Variants in THSD7A observed in about 807,000 individuals in gnomAD.
THSD7A encodes thrombospondin type 1 domain containing 7A.
A neutral mutation model predicts 231.3 loss-of-function variants in THSD7A; 96 were observed. The ratio of observed to expected loss-of-function variants is 0.41; its 90% CI spans 0.35 to 0.49. THSD7A has a LOEUF of 0.49. Ranked by LOEUF, THSD7A falls within the 20% of genes least tolerant of loss-of-function variation. The pLI, the probability that THSD7A is intolerant of heterozygous loss-of-function variation, is 0.05. For synonymous variants in THSD7A, 940 were observed against 743.3 expected (o/e 1.26, Z -4.30); for missense variants, 2,290 against 2,070.2 (o/e 1.11, Z -2.06).
intron 1 of THSD7A, among the ~76,000 whole-genome samples, chr7:11,719,065 T>C (rs946717866): frequency 6.6e-6 from 1 of 151,708 alleles, no homozygotes; most frequent in Non-Finnish European, 1.5e-5. Flanking sequence ...TGTGTGTGTG[T>C]ATGCGCTCAT....
At chr7:11,408,531 A>T (rs1411593752) in intron 19 of THSD7A, among the ~76,000 whole-genome samples, 4 of 151,922 alleles carry the variant, frequency 2.6e-5, no homozygotes, top group Non-Finnish European at 5.9e-5. Context: ...AAGAAAGAAA[A>T]AGAAATAGGA....
Position 11,396,604 on chromosome 7 carries a change from C to T in THSD7A, c.4411+5191G>A, listed in dbSNP as rs1327770243. Among the ~76,000 whole-genome samples the T allele has an allele frequency of 2.6e-5, 4 of 152,106 alleles. 1 individual carries two copies. The highest frequency in any genetic ancestry group is 4.4e-5 in the Non-Finnish European group (3 of 68,018). ...GGAGGAAGCTGAATCCCTGAAGAGA[C>T]CAATAACAAGTTCTAAAATTGAGGC... is the stretch of plus-strand genomic sequence containing the variant. On this transcript the variant is annotated intron_variant, in intron 23 of 27. Coordinates refer to ENST00000423059, the MANE Select transcript of THSD7A (RefSeq NM_015204.3).
Position 11,435,377 on chromosome 7 carries a change from T to A in THSD7A, c.3065-6252A>T, listed in dbSNP as rs772968356. Among the ~76,000 whole-genome samples, 40 of 152,242 alleles carry A rather than the reference T, an allele frequency of 2.6e-4. 1 individual carries two copies. Among genetic ancestry groups the A allele is most frequent in the Non-Finnish European group, 5.1e-4 (35 of 67,990 alleles). On this transcript the variant is annotated intron_variant, in intron 13 of 27. Transcript: ENST00000423059. ...TACTTATGATTTTATGCTGTAAGGA[T>A]ATCTCAGGAAGGGGCTGGTCACACC...
chr7:11,704,540 C>A (rs574448736), intron 1 of THSD7A, among the ~76,000 whole-genome samples: 2 of 150,794 alleles, frequency 1.3e-5, no homozygotes, highest in South Asian at 4.2e-4. Flanking sequence ...TCTTTGGAGT[C>A]TGTGTGAATA....
At chr7:11,766,472 C>A (rs1050078106) in intron 1 of THSD7A, among the ~76,000 whole-genome samples, 1 of 146,156 alleles carries the variant, frequency 6.8e-6, no homozygotes, top group Non-Finnish European at 1.5e-5. Context: ...AACCAATATT[C>A]TCATCTATCA....
chr7:11,452,752 T>C (rs1785185608), intron 11 of THSD7A, among the ~76,000 whole-genome samples: 1 of 151,988 alleles, frequency 6.6e-6, no homozygotes, highest in Non-Finnish European at 1.5e-5. Flanking sequence ...TAATAAGCAT[T>C]TTATGACAGA....
At chr7:11,490,867 T>C (rs1786862252) in intron 6 of THSD7A, among the ~76,000 whole-genome samples, 1 of 152,116 alleles carries the variant, frequency 6.6e-6, no homozygotes, top group Non-Finnish European at 1.5e-5. Context: ...CTAATAATAG[T>C]ACTTATGGTA....
At chr7:11,551,817 A>G (rs1789639571) in intron 4 of THSD7A, among the ~76,000 whole-genome samples, 1 of 152,110 alleles carries the variant, frequency 6.6e-6, no homozygotes, top group African/African-American at 2.4e-5. Context: ...AACAACTACC[A>G]TTTGACCCAG....
At chr7:11,780,109 A>G (rs547333748) in intron 1 of THSD7A, among the ~76,000 whole-genome samples, 97 of 152,326 alleles carry the variant, frequency 6.4e-4, no homozygotes, top group African/African-American at 2.2e-3. Flanking sequence ...TTACAGATGT[A>G]TATCTTTTCA....
intron 1 of THSD7A, among the ~76,000 whole-genome samples, chr7:11,643,501 C>T (rs774521949): frequency 2.0e-4 from 30 of 151,810 alleles, no homozygotes; most frequent in Admixed American, 7.2e-4. Context: ...TTATTTAAAA[C>T]GAAATTTTGG....
At chr7:11,480,104 T>C (rs1212494944) in intron 7 of THSD7A, among the ~76,000 whole-genome samples, 4 of 152,244 alleles carry the variant, frequency 2.6e-5, no homozygotes, top group African/African-American at 7.2e-5. Context: ...TATGATTTAC[T>C]ATATAAACAT....
At position 11,788,216 on chromosome 7, in the gene THSD7A, T is replaced by A. The variant is rs140568987; in HGVS notation, c.190+43541A>T. ...CTTGCCTGTATCACAGCAGTAATGATGCAGTCATTTTTAGTATCTTCCTTC... is the reference window on the plus strand; with the variant it reads ...CTTGCCTGTATCACAGCAGTAATGAAGCAGTCATTTTTAGTATCTTCCTTC... On this transcript the variant is annotated intron_variant, in intron 1 of 27. Transcript: ENST00000423059. 4.9e-3 allele frequency among the ~76,000 whole-genome samples: 753 copies of A among 152,242 alleles called. 5 individuals carry two copies. The highest frequency in any genetic ancestry group is 7.1e-3 in the Non-Finnish European group (480 of 67,996).
chr7:11,444,009 C>T lies in THSD7A; in HGVS notation c.3064+2052G>A, dbSNP rs186151898. ...GCAAAGGATATGAACAGGCAGTTCT[C>T]AAAAGACGACATTTATGTGGCTAAC... On this transcript the variant is annotated intron_variant, in intron 13 of 27. Transcript: ENST00000423059. This position sits in a 1 kb window ranked among gnomAD's most constrained non-coding sequence, Gnocchi z 4.2. Among the ~76,000 whole-genome samples, 18 of 152,110 alleles carry T rather than the reference C, an allele frequency of 1.2e-4. No homozygotes were observed. The East Asian group carries it at 3.3e-3, about 28-fold the overall frequency.
intron 1 of THSD7A, among the ~76,000 whole-genome samples, chr7:11,783,002 T>A (rs1020725785): frequency 6.6e-6 from 1 of 152,160 alleles, no homozygotes; most frequent in Non-Finnish European, 1.5e-5. Context: ...GATTTGAGTG[T>A]GCGAACCATA....
chr7:11,760,590 G>T (rs1782822983), intron 1 of THSD7A, among the ~76,000 whole-genome samples: 1 of 152,016 alleles, frequency 6.6e-6, no homozygotes, highest in Non-Finnish European at 1.5e-5. Context: ...CTCACAGGAT[G>T]CCAATTACAG....
chr7:11,701,948 G>C (rs57785419), intron 1 of THSD7A, among the ~76,000 whole-genome samples: 5,453 of 151,010 alleles, frequency 0.036, 347 homozygotes, highest in African/African-American at 0.13. Context: ...TTCCCCTGTA[G>C]ATGATGTCTC....
chr7:11,659,462 A>G (rs1782840915), intron 1 of THSD7A, among the ~76,000 whole-genome samples: 1 of 151,474 alleles, frequency 6.6e-6, no homozygotes, highest in African/African-American at 2.4e-5. Flanking sequence ...CTTATATTGT[A>G]TTTCATTCTC....
intron 2 of THSD7A, among the ~76,000 whole-genome samples, chr7:11,598,334 C>T (rs887036219): frequency 6.6e-6 from 1 of 152,208 alleles, no homozygotes; most frequent in Non-Finnish European, 1.5e-5. Context: ...TGAGTGCTCA[C>T]CAATGGGTGA....
rs147099570 is a variant in THSD7A, at chr7:11,811,065, A to G, written c.190+20692T>C. Among the ~76,000 whole-genome samples, 100 of 152,328 alleles carry G rather than the reference A, an allele frequency of 6.6e-4. 1 individual carries two copies. The highest frequency in any genetic ancestry group is 2.3e-3 in the African/African-American group (96 of 41,566). Reference sequence around the variant, plus strand: ...ACATTTCTGCAACACAATAAGCTGCAGATTAAATTATGTGGCATATGATGT... The same window carrying G: ...ACATTTCTGCAACACAATAAGCTGCGGATTAAATTATGTGGCATATGATGT... On this transcript the variant is annotated intron_variant, in intron 1 of 27. Transcript: ENST00000423059.
Sources: gnomAD v4.1 joint callset for allele counts (sites outside exome capture counted in the v4.1 genomes callset) on GRCh38, gnomAD v4.1.1 for gene constraint, Gnocchi (gnomAD v3.1) non-coding constraint, MANE v1.5 for transcripts, NCBI Gene and HGNC (gene_info 2026-07-23, HGNC 2026-07-21) for gene names.